ATXN7L1: variants seen among roughly 807,000 people sequenced by gnomAD.
The protein encoded by ATXN7L1 is ataxin-7-like protein 1.
A neutral mutation model predicts 70.8 loss-of-function variants in ATXN7L1; 15 were observed. The ratio of observed to expected loss-of-function variants is 0.21; its 90% CI spans 0.14 to 0.33. ATXN7L1 has a LOEUF of 0.33. ATXN7L1 is among the 10% of genes least tolerant of loss of function. ATXN7L1 has a pLI of 1.00. For missense variants in ATXN7L1, 975 were observed against 1,097.1 expected, an observed-to-expected ratio of 0.89 and a Z score of 1.57; for synonymous variants, 440 against 445.1, an observed-to-expected ratio of 0.99 and a Z score of 0.14.
intron 3 of ATXN7L1, among the ~76,000 whole-genome samples, chr7:105,730,557 C>A (rs1796416271): frequency 6.6e-6 from 1 of 151,994 alleles, no homozygotes; most frequent in African/African-American, 2.4e-5. Flanking sequence ...ATGGTGAAAT[C>A]CCGTCTCTAC....
chr7:105,735,408 AT>A (rs1240012721), intron 3 of ATXN7L1, among the ~76,000 whole-genome samples: 1 of 152,086 alleles, frequency 6.6e-6, no homozygotes, highest in Non-Finnish European at 1.5e-5. Flanking sequence ...CTCTTGTATT[AT>A]TATTATTTTT....
intron 4 of ATXN7L1, among the ~76,000 whole-genome samples, chr7:105,645,926 G>A (rs955915920): frequency 6.6e-6 from 1 of 151,748 alleles, no homozygotes; most frequent in African/African-American, 2.4e-5. Flanking sequence ...AGAATCACTT[G>A]AACCCAGGAG....
rs1585224546 is a variant in ATXN7L1, at chr7:105,876,321, A to C, written c.181+57T>G. 5 of 1,505,834 alleles carry C rather than the reference A, an allele frequency of 3.3e-6. No homozygotes were observed. The South Asian group carries it at 5.2e-5, about 16-fold the overall frequency. 93.3% of individuals were successfully genotyped at this position (1,505,834 alleles called of 1,614,324 possible). A position where few individuals can be genotyped will look rare whatever the true frequency, so the allele number is the denominator to read the frequency against. ...ACACACACTTTTTCCCAGTGGCTCT[A>C]GGTGAATGGAAAGGTTACAGGATAA... On this transcript the variant is annotated intron_variant, in intron 1 of 11. Coordinates refer to ENST00000419735, the MANE Select transcript of ATXN7L1 (RefSeq NM_020725.2).
At chr7:105,770,369 T>C (rs187812039) in intron 3 of ATXN7L1, among the ~76,000 whole-genome samples, 4 of 152,374 alleles carry the variant, frequency 2.6e-5, no homozygotes, top group Non-Finnish European at 5.9e-5. Flanking sequence ...AGCTGAGTCC[T>C]ATAAATGGAT....
intron 3 of ATXN7L1, among the ~76,000 whole-genome samples, chr7:105,727,734 G>GTA (rs1795985792): frequency 1.6e-5 from 1 of 61,906 alleles, no homozygotes; most frequent in South Asian, 7.7e-4. Flanking sequence ...AGGGGTGTGT[G>GTA]TGTGTATGTG....
chr7:105,812,458 C>T (rs149263343), intron 2 of ATXN7L1, among the ~76,000 whole-genome samples: 2 of 152,296 alleles, frequency 1.3e-5, no homozygotes, highest in East Asian at 3.9e-4. Context: ...ATATTTGGGT[C>T]TTGATTCTAT....
chr7:105,648,433 C>T (rs1799381761), intron 4 of ATXN7L1, among the ~76,000 whole-genome samples: 1 of 152,174 alleles, frequency 6.6e-6, no homozygotes, highest in Non-Finnish European at 1.5e-5. Flanking sequence ...AGCCATCGGG[C>T]CAGCCTTTCT....
At chr7:105,644,355 GAGA>G (rs1461555540) in intron 4 of ATXN7L1, among the ~76,000 whole-genome samples, 1 of 152,162 alleles carries the variant, frequency 6.6e-6, no homozygotes, top group Non-Finnish European at 1.5e-5. Context: ...CTTTGCCAGC[GAGA>G]AGGGCACAGA....
At chr7:105,741,101 A>T (rs981748265) in intron 3 of ATXN7L1, among the ~76,000 whole-genome samples, 2 of 152,050 alleles carry the variant, frequency 1.3e-5, no homozygotes, top group Non-Finnish European at 2.9e-5. Context: ...GACCAGTGAG[A>T]ACCCTAAGCC....
chr7:105,607,764 G>T lies in ATXN7L1; in HGVS notation c.*88C>A. 1.6e-6 allele frequency: 2 copies of T among 1,234,522 alleles called. No homozygotes were observed. Among genetic ancestry groups the T allele is most frequent in the Non-Finnish European group, 2.3e-6 (2 of 859,862 alleles). The allele number at this position is 1,234,522 out of a possible 1,614,324, so 76.5% of individuals were successfully genotyped here. A position where few individuals can be genotyped will look rare whatever the true frequency, so the allele number is the denominator to read the frequency against. On this transcript the variant is annotated 3_prime_UTR_variant, in exon 12 of 12. Transcript: ENST00000419735. ...GCACAGAAAACAGACTCTCCCCCCA[G>T]CCCACTCCCCTCCCTCCTCCTCCCC...
chr7:105,817,557 C>T (rs1018794399), intron 2 of ATXN7L1, among the ~76,000 whole-genome samples: 7 of 152,056 alleles, frequency 4.6e-5, no homozygotes, highest in African/African-American at 7.2e-5. Flanking sequence ...ATATCTGGAT[C>T]GGTCTGTCTC....
At chr7:105,766,389 A>G (rs1801253670) in intron 3 of ATXN7L1, among the ~76,000 whole-genome samples, 2 of 152,096 alleles carry the variant, frequency 1.3e-5, no homozygotes, top group Admixed American at 6.6e-5. Flanking sequence ...TTCAACTTCC[A>G]TCTGTTTTTA....
Position 105,614,843 on chromosome 7 carries a change from A to G in ATXN7L1, c.1518-27T>C. ...TAAACATGAGAGAAGAGTGAAAGAG[A>G]ATCAGTGAGACATCGGGTTGGCATT... On this transcript the variant is annotated intron_variant, in intron 9 of 11. Transcript: ENST00000419735. The surrounding 1 kb of genome is among the most constrained non-coding windows in gnomAD (Gnocchi z 4.3). 1.3e-6 allele frequency: 2 copies of G among 1,530,578 alleles called. No individual in the cohort carries two copies. Among genetic ancestry groups the G allele is most frequent in the Non-Finnish European group, 1.8e-6 (2 of 1,134,436 alleles). The allele number at this position is 1,530,578 out of a possible 1,614,324, so 94.8% of individuals were successfully genotyped here.
At chr7:105,729,430 CT>C (rs34133732) in intron 3 of ATXN7L1, among the ~76,000 whole-genome samples, 56,507 of 130,048 alleles carry the variant, frequency 0.43, 12,154 homozygotes, top group African/African-American at 0.66. Flanking sequence ...ATCCCTACTT[CT>C]TTTTTTTTTT....
chr7:105,654,292 T>C (rs1251777199), intron 4 of ATXN7L1, among the ~76,000 whole-genome samples: 1 of 152,232 alleles, frequency 6.6e-6, no homozygotes, highest in African/African-American at 2.4e-5. Flanking sequence ...ATGACAAAGG[T>C]GAAGTGTCCG....
intron 3 of ATXN7L1, among the ~76,000 whole-genome samples, chr7:105,673,758 G>C: frequency 6.6e-6 from 1 of 152,176 alleles, no homozygotes; most frequent in Non-Finnish European, 1.5e-5. Context: ...CCCCAGCTGT[G>C]GAAATGGAGA....
intron 3 of ATXN7L1, among the ~76,000 whole-genome samples, chr7:105,717,009 C>T (rs1474256452): frequency 1.3e-5 from 2 of 152,026 alleles, no homozygotes; most frequent in African/African-American, 4.8e-5. Flanking sequence ...AGTCACCATA[C>T]CATTTCAGTC....
chr7:105,700,719 A>G (rs541086799), intron 3 of ATXN7L1, among the ~76,000 whole-genome samples: 1 of 152,064 alleles, frequency 6.6e-6, no homozygotes, highest in South Asian at 2.1e-4. Context: ...GTCTGGCTCT[A>G]TCACCCAGGC....
At chr7:105,750,635 C>T (rs1330322447) in intron 3 of ATXN7L1, among the ~76,000 whole-genome samples, 4 of 152,084 alleles carry the variant, frequency 2.6e-5, no homozygotes, top group Admixed American at 6.5e-5. Context: ...AACCCCGTCT[C>T]TACTAAAAAA....
Sources: gnomAD v4.1 joint callset for allele counts (sites outside exome capture counted in the v4.1 genomes callset) on GRCh38, gnomAD v4.1.1 for gene constraint, Gnocchi (gnomAD v3.1) non-coding constraint, MANE v1.5 for transcripts, NCBI Gene and HGNC (gene_info 2026-07-23, HGNC 2026-07-21) for gene names.